The following NRP2 variants were observed in gnomAD, a reference collection of about 807,000 sequenced individuals.
NRP2 encodes the protein neuropilin 2.
In NRP2, 52 loss-of-function variants were observed where a neutral mutation model predicts 110.4. That is an observed-to-expected ratio of 0.47 (90% CI 0.38 to 0.59). The LOEUF (loss-of-function observed/expected upper bound fraction) is 0.59, where lower values mean the gene tolerates loss of function less well. NRP2 is among the 20% of genes least tolerant of loss of function. The pLI, the probability that NRP2 is intolerant of heterozygous loss-of-function variation, is 0.00. For missense variants in NRP2, 1,049 were observed against 1,203.0 expected, an observed-to-expected ratio of 0.87 and a Z score of 1.89; for synonymous variants, 508 against 468.9, an observed-to-expected ratio of 1.08 and a Z score of -1.08.
intron 2 of NRP2, chr2:205,700,943 A>G (rs943835803): frequency 1.0e-4 from 33 of 324,532 alleles, no homozygotes; most frequent in East Asian, 5.1e-4. Context: ...GGGCGAGACT[A>G]CGGGCCGTCT....
At position 205,788,978 on chromosome 2, in the gene NRP2, C is replaced by A. The variant is rs1050232170; in HGVS notation, c.2426-3257C>A. On this transcript the variant is annotated intron_variant, in intron 15 of 16. Transcript: ENST00000357785. ...ATTTAGTTTCCTGCTCTGGGTGATG[C>A]CTGTCATGGAAAGCATGAAACCCCA... Among the ~76,000 whole-genome samples, 10 of 152,274 alleles carry A rather than the reference C, an allele frequency of 6.6e-5. No individual in the cohort carries two copies. The South Asian group carries it at 2.1e-3, about 32-fold the overall frequency.
chr2:205,690,310 T>G (rs566914255), intron 1 of NRP2, among the ~76,000 whole-genome samples: 2 of 151,928 alleles, frequency 1.3e-5, no homozygotes, highest in Admixed American at 6.5e-5. Context: ...TACCAACAAA[T>G]GGCTTAGTGA....
intron 15 of NRP2, among the ~76,000 whole-genome samples, chr2:205,784,135 C>A (rs2058209902): frequency 6.6e-6 from 1 of 152,160 alleles, no homozygotes; most frequent in Non-Finnish European, 1.5e-5. Context: ...GTATACCATG[C>A]CACGGCTTTC....
rs751358650 is a variant in NRP2 at position 205,723,849 on chromosome 2, G to A, written c.729G>A (p.Gly243=). 3 of 1,614,212 alleles carry A rather than the reference G, an allele frequency of 1.9e-6. No homozygotes were observed. Among genetic ancestry groups the A allele is most frequent in the Non-Finnish European group, 1.7e-6 (2 of 1,180,046 alleles). ...KTPSELRSST[G]ILSLTFHTDM... ...CCTCTGAACTTCGTTCATCGACGGGGATCCTCTCCCTGACCTTTCACACGG... is the reference window on the plus strand; with the variant it reads ...CCTCTGAACTTCGTTCATCGACGGGAATCCTCTCCCTGACCTTTCACACGG... Residue 243 remains glycine (G), a synonymous_variant, in exon 5 of 17, where the codon GGG becomes GGA. Transcript: ENST00000357785.
chr2:205,744,051 T>C (rs1028271108), intron 9 of NRP2, among the ~76,000 whole-genome samples: 3 of 152,118 alleles, frequency 2.0e-5, no homozygotes, highest in Non-Finnish European at 4.4e-5. Flanking sequence ...GCCTGGACTC[T>C]TTTTTAATCG....
In NRP2 at chr2:205,743,262, T is replaced by A; in HGVS notation, c.1351T>A (p.Ser451Thr). 13 of 1,614,080 alleles carry A rather than the reference T, an allele frequency of 8.1e-6. No homozygotes were observed. The highest frequency in any genetic ancestry group is 9.3e-6 in the Non-Finnish European group (11 of 1,180,034). ...LSGLIADSQISASSTQEYLWS... is the reference protein window; with the variant it reads ...LSGLIADSQITASSTQEYLWS... ...AGGCCTCATTGCAGACTCCCAGATC[T>A]CCGCCTCTTCCACCCAGGAATACCT... Residue 451 changes from serine (S) to threonine (T), a missense_variant, in exon 9 of 17, where the codon TCC (serine) becomes ACC (threonine). By Grantham distance (58) the Ser-to-Thr change is moderately conservative. Transcript: ENST00000357785.
intron 4 of NRP2, 35 bp from the exon 5 acceptor site, chr2:205,723,750 A>G: frequency 6.2e-7 from 1 of 1,612,616 alleles, no homozygotes; most frequent in Non-Finnish European, 8.5e-7. Context: ...TGACATTTTG[A>G]TTTCCACTGA....
intron 15 of NRP2, among the ~76,000 whole-genome samples, chr2:205,773,423 A>G (rs954813672): frequency 6.6e-6 from 1 of 152,234 alleles, no homozygotes; most frequent in Admixed American, 6.5e-5. Flanking sequence ...CCCAAAGAAA[A>G]TGTTTAAGGA....
At position 205,763,633 on chromosome 2, in the gene NRP2, A is replaced by T; in HGVS notation, c.2045-41A>T. ...CAGCAGCACACTGGTGTCTTTCCCGAGTGTTTATGGAGAACCTCTGTTTGG... is the reference window on the plus strand; with the variant it reads ...CAGCAGCACACTGGTGTCTTTCCCGTGTGTTTATGGAGAACCTCTGTTTGG... On this transcript the variant is annotated intron_variant, in intron 12 of 16. Transcript: ENST00000357785. The surrounding 1 kb of genome is among the most constrained non-coding windows in gnomAD (Gnocchi z 4.0). 6.2e-7 allele frequency: 1 copy of T among 1,613,456 alleles called. No homozygotes were observed. Among genetic ancestry groups the T allele is most frequent in the Non-Finnish European group, 8.5e-7 (1 of 1,179,936 alleles).
intron 3 of NRP2, 24 bp from the exon 4 acceptor site, chr2:205,722,454 G>A (rs755447813): frequency 6.3e-7 from 1 of 1,577,002 alleles, no homozygotes; most frequent in South Asian, 1.1e-5. Context: ...TCTTCTTAGT[G>A]CTACAGTTCT....
intron 10 of NRP2, among the ~76,000 whole-genome samples, chr2:205,747,975 G>C (rs1559345253): frequency 6.6e-6 from 1 of 152,108 alleles, no homozygotes; most frequent in East Asian, 1.9e-4. Context: ...TCTGACATCT[G>C]GTTTCAATTT....
intron 15 of NRP2, among the ~76,000 whole-genome samples, chr2:205,770,761 C>A (rs1483684536): frequency 6.6e-6 from 1 of 152,328 alleles, no homozygotes; most frequent in East Asian, 1.9e-4. Context: ...AATCCTCCTC[C>A]TTGCCCCCAC....
intron 8 of NRP2, among the ~76,000 whole-genome samples, chr2:205,741,100 G>C (rs1200935770): frequency 1.3e-5 from 2 of 152,186 alleles, no homozygotes; most frequent in African/African-American, 4.8e-5. Context: ...TGCCTCAACC[G>C]GGGGCCAAGA....
intron 7 of NRP2, 76 bp from the exon 8 acceptor site, chr2:205,740,443 C>T (rs994087002): frequency 8.6e-6 from 13 of 1,503,762 alleles, no homozygotes; most frequent in Non-Finnish European, 1.2e-5. Flanking sequence ...ACTTTCCCAT[C>T]CCCTTCAAAG....
chr2:205,774,490 G>A (rs563491561), intron 15 of NRP2, among the ~76,000 whole-genome samples: 2 of 152,304 alleles, frequency 1.3e-5, no homozygotes, highest in African/African-American at 4.8e-5. Context: ...CTGTCAAGGT[G>A]TGTGCAGAGC....
At chr2:205,728,715 G>T (rs557602759) in intron 7 of NRP2, among the ~76,000 whole-genome samples, 3 of 152,308 alleles carry the variant, frequency 2.0e-5, no homozygotes, top group African/African-American at 7.2e-5. Context: ...GACATTCTGG[G>T]TCTGCAGCTG....
chr2:205,763,801 C>T lies in NRP2; in HGVS notation c.2172C>T (p.Gly724=), dbSNP rs747984060. 1 of 1,614,086 alleles carries T rather than the reference C, an allele frequency of 6.2e-7. No homozygotes were observed. Reference sequence around the variant, plus strand: ...TGGAGTTCCAGTACCAGGCCACGGGCGGCCGCGGGGTGGCGCTGCAGGTGG... The same window carrying T: ...TGGAGTTCCAGTACCAGGCCACGGGTGGCCGCGGGGTGGCGCTGCAGGTGG... ...VCMEFQYQAT[G]GRGVALQVVR... The change falls in exon 13 of 17, where the codon GGC becomes GGT. Residue 724 remains glycine, a synonymous_variant. Transcript: ENST00000357785. This position sits in a 1 kb window ranked among gnomAD's most constrained non-coding sequence, Gnocchi z 4.0.
chr2:205,699,572 C>T (rs578005225), intron 2 of NRP2, among the ~76,000 whole-genome samples: 4 of 152,274 alleles, frequency 2.6e-5, no homozygotes, highest in South Asian at 4.1e-4. Context: ...TTGGGAAGGA[C>T]GAAAGGCCAG....
In NRP2 at chr2:205,795,061, G is replaced by T. The variant is rs1459826032; in HGVS notation, c.*3G>T. On this transcript the variant is annotated 3_prime_UTR_variant, in exon 17 of 17. Transcript: ENST00000357785. ...AAAAGTGCTGCTCCGAGGCATGACG[G>T]ATTGCACCTGAATCCTATCTGACGT... The T allele has an allele frequency of 6.2e-6, 10 of 1,613,246 alleles. No homozygotes were observed. Among genetic ancestry groups the T allele is most frequent in the Non-Finnish European group, 8.5e-6 (10 of 1,179,542 alleles).
Sources: allele counts gnomAD v4.1 joint callset (sites outside exome capture counted in the v4.1 genomes callset), GRCh38; gene constraint gnomAD v4.1.1; non-coding constraint Gnocchi (gnomAD v3.1); transcripts MANE v1.5; gene names NCBI Gene and HGNC (gene_info 2026-07-23, HGNC 2026-07-21).